The following OR4E2 variants were observed in gnomAD, a reference collection of about 807,000 sequenced individuals.
The protein encoded by OR4E2 is olfactory receptor 4E2.
In OR4E2, 9 loss-of-function variants were observed where a neutral mutation model predicts 11.0. That is an observed-to-expected ratio of 0.82 (90% CI 0.49 to 1.43). OR4E2 has a LOEUF of 1.43. Among genes scored for constraint, OR4E2 ranks in the 40% most tolerant of loss-of-function variants. The pLI is 0.00. For missense variants in OR4E2, 441 were observed against 382.0 expected (o/e 1.15, Z -1.29); for synonymous variants, 159 against 147.3 (o/e 1.08, Z -0.57).
intron 2 of OR4E2, among the ~76,000 whole-genome samples, chr14:21,657,389 T>TTCC (rs1566581708): frequency 1.2e-5 from 1 of 82,226 alleles, no homozygotes; most frequent in Non-Finnish European, 2.5e-5. Flanking sequence ...TTCCTTCCTT[T>TTCC]CTTTCTTCCT....
intron 3 of OR4E2, among the ~76,000 whole-genome samples, chr14:21,663,077 G>C (rs1880423339): frequency 6.6e-6 from 1 of 152,160 alleles, no homozygotes; most frequent in African/African-American, 2.4e-5. Flanking sequence ...TTTTCAGGCT[G>C]CCTAAGAAGT....
intron 2 of OR4E2, among the ~76,000 whole-genome samples, chr14:21,659,976 T>A (rs1363137352): frequency 1.3e-5 from 2 of 152,146 alleles, no homozygotes; most frequent in Non-Finnish European, 2.9e-5. Context: ...TTTTATATTA[T>A]GTTCATCAGC....
Position 21,667,359 on chromosome 14 carries a change from G to A in OR4E2, c.*1335G>A, listed in dbSNP as rs1364869625. The A allele has an allele frequency of 6.6e-6, 1 of 152,108 alleles. No individual in the cohort carries two copies. Among genetic ancestry groups the A allele is most frequent in the African/African-American group, 2.4e-5 (1 of 41,414 alleles). The allele number at this position is 152,108 out of a possible 1,614,324, so 9.4% of individuals were successfully genotyped here. A position where few individuals can be genotyped will look rare whatever the true frequency, so the allele number is the denominator to read the frequency against. On this transcript the variant is annotated 3_prime_UTR_variant, in exon 4 of 4. Transcript: ENST00000641524. ...ACACATTACAGACATACACAATACA[G>A]AGTGAGTGACCCACTAACTCTAACT...
intron 3 of OR4E2, 150 bp downstream of exon 3, chr14:21,660,896 C>T (rs1352735707): frequency 1.3e-5 from 2 of 152,050 alleles, no homozygotes; most frequent in African/African-American, 4.8e-5. Flanking sequence ...CATTTGAATA[C>T]ATATATGTGA....
chr14:21,658,049 G>C (rs1468568576), intron 2 of OR4E2, among the ~76,000 whole-genome samples: 1 of 152,002 alleles, frequency 6.6e-6, no homozygotes, highest in African/African-American at 2.4e-5. Context: ...ATACAGAGAA[G>C]AATCAAATCT....
intron 2 of OR4E2, among the ~76,000 whole-genome samples, chr14:21,657,760 T>G (rs1022693970): frequency 6.6e-6 from 1 of 151,922 alleles, no homozygotes; most frequent in Admixed American, 6.6e-5. Context: ...CCAGCTAATT[T>G]TGTATTTTTA....
intron 1 of OR4E2, among the ~76,000 whole-genome samples, chr14:21,655,738 C>T (rs1381740614): frequency 2.0e-5 from 3 of 152,088 alleles, no homozygotes; most frequent in South Asian, 4.2e-4. Flanking sequence ...CAAGTTATAT[C>T]CCCTAAAAGT....
chr14:21,661,091 G>A (rs1427339963), intron 3 of OR4E2, among the ~76,000 whole-genome samples: 2 of 152,038 alleles, frequency 1.3e-5, no homozygotes, highest in Non-Finnish European at 2.9e-5. Flanking sequence ...TTAAAACAAA[G>A]TAACCCATGC....
Position 21,665,791 on chromosome 14 carries a change from C to G in OR4E2, c.709C>G (p.Leu237Val), listed in dbSNP as rs149114268. 601 of 1,613,952 alleles carry G rather than the reference C, an allele frequency of 3.7e-4. 1 individual carries two copies. Among genetic ancestry groups the G allele is most frequent in the Admixed American group, 5.0e-4 (30 of 60,022 alleles). Residue 237 changes from leucine to valine, a missense_variant, in exon 4 of 4, where the codon CTG (leucine) becomes GTG (valine). Coordinates refer to ENST00000641524, the MANE Select transcript of OR4E2 (RefSeq NM_001001912.3). ...KHSAEGRRKA[L>V]STCSAHFMVV... ...CTCAGCTGAAGGGCGCCGGAAAGCC[C>G]TGTCTACCTGCTCGGCCCACTTCAT...
Position 21,665,568 on chromosome 14 carries a change from GACTATTCGTCT to G in OR4E2, c.489_499del (p.Ile164LeufsTer8). The G allele has an allele frequency of 2.5e-6, 4 of 1,614,080 alleles. No homozygotes were observed. The highest frequency in any genetic ancestry group is 3.4e-6 in the Non-Finnish European group (4 of 1,179,994). The stretch of plus-strand genomic sequence containing the variant: ...TTCACTCACTAGGGCAGACCTTCTT[GACTATTCGTCT>G]ACCTTACTGTGGCCCCAACATTATT... On this transcript the variant is annotated frameshift_variant, in exon 4 of 4. Transcript: ENST00000641524. LOFTEE classifies it high-confidence loss of function.
chr14:21,665,636 T>C lies in OR4E2; in HGVS notation c.554T>C (p.Ile185Thr), dbSNP rs1318543355. Residue 185 changes from isoleucine (I) to threonine (T), a missense_variant, in exon 4 of 4, where the codon ATC becomes ACC. By Grantham distance (89) the Ile-to-Thr change is moderately conservative (BLOSUM62 -1). Coordinates refer to ENST00000641524, the MANE Select transcript of OR4E2 (RefSeq NM_001001912.3). ...TACTTCTGTGATGTGCCTCTTGTTA[T>C]CAAGCTGGCCTGCACAGATACATAC... ...DSYFCDVPLVIKLACTDTYLT... is the reference protein window; with the variant it reads ...DSYFCDVPLVTKLACTDTYLT... The C allele has an allele frequency of 5.6e-6, 9 of 1,614,160 alleles. No homozygotes were observed. The East Asian group carries it at 1.3e-4, about 24-fold the overall frequency.
At chr14:21,663,858 G>T (rs951525590) in intron 3 of OR4E2, among the ~76,000 whole-genome samples, 1 of 152,094 alleles carries the variant, frequency 6.6e-6, no homozygotes, top group African/African-American at 2.4e-5. Flanking sequence ...GTGATGTTTG[G>T]TTTTCTGTTC....
rs554971247 is a variant in OR4E2 at position 21,666,581 on chromosome 14, G to T, written c.*557G>T. The T allele has an allele frequency of 6.7e-6, 1 of 149,890 alleles. No homozygotes were observed. The allele number at this position is 149,890 out of a possible 1,614,324, so 9.3% of individuals were successfully genotyped here. On this transcript the variant is annotated 3_prime_UTR_variant, in exon 4 of 4. Coordinates refer to ENST00000641524, the MANE Select transcript of OR4E2 (RefSeq NM_001001912.3). ...TTTTTTTTTGAGACAGGAATTTTTT[G>T]TACTATTCCTGCAACTTCCTGTAAG...
At chr14:21,663,324 A>G (rs1197843528) in intron 3 of OR4E2, among the ~76,000 whole-genome samples, 1 of 151,962 alleles carries the variant, frequency 6.6e-6, no homozygotes, top group African/African-American at 2.4e-5. Context: ...CTAAAAATAC[A>G]AAAAAATTAG....
intron 1 of OR4E2, among the ~76,000 whole-genome samples, chr14:21,655,861 T>C (rs1228115869): frequency 6.6e-6 from 1 of 151,908 alleles, no homozygotes; most frequent in Non-Finnish European, 1.5e-5. Flanking sequence ...CTGATTAAAG[T>C]GGTAATGGCA....
chr14:21,654,478 C>T (rs1312699141), intron 1 of OR4E2, among the ~76,000 whole-genome samples: 9 of 151,712 alleles, frequency 5.9e-5, no homozygotes, highest in Admixed American at 2.0e-4. Context: ...CACACACACA[C>T]GCATGCACAC....
chr14:21,666,317 G>T lies in OR4E2; in HGVS notation c.*293G>T, dbSNP rs1028682939. 4.1e-4 allele frequency: 122 copies of T among 298,890 alleles called. 1 individual carries two copies. The highest frequency in any genetic ancestry group is 2.5e-4 in the South Asian group (6 of 23,530). 18.5% of individuals were successfully genotyped at this position (298,890 alleles called of 1,614,324 possible). On this transcript the variant is annotated 3_prime_UTR_variant, in exon 4 of 4. Coordinates refer to ENST00000641524, the MANE Select transcript of OR4E2 (RefSeq NM_001001912.3). ...AAAAGAATACAATTTGGGGAACTCA[G>T]TTCAGTCTCAGTTTCAGGAGCAGGT...
chr14:21,654,412 A>G (rs566165603), intron 1 of OR4E2, among the ~76,000 whole-genome samples: 4 of 124,838 alleles, frequency 3.2e-5, no homozygotes, highest in East Asian at 2.0e-4. Context: ...GCACACACAC[A>G]CATGCACACA....
At chr14:21,655,997 G>T (rs115965479) in intron 1 of OR4E2, among the ~76,000 whole-genome samples, 1 of 151,970 alleles carries the variant, frequency 6.6e-6, no homozygotes, top group Non-Finnish European at 1.5e-5. Flanking sequence ...AGGCGAAACC[G>T]CTGGGCGTGA....
Sources: gnomAD v4.1 joint callset for allele counts (sites outside exome capture counted in the v4.1 genomes callset) on GRCh38, gnomAD v4.1.1 for gene constraint, MANE v1.5 for transcripts, NCBI Gene and HGNC (gene_info 2026-07-23, HGNC 2026-07-21) for gene names.